Variants in NT5DC2 observed in about 807,000 individuals in gnomAD.
The protein encoded by NT5DC2 is 5'-nucleotidase domain containing 2, also known as 5'-nucleotidase domain-containing protein 2.
In NT5DC2, 41 loss-of-function variants were observed where a neutral mutation model predicts 70.0. That is an observed-to-expected ratio of 0.59 (90% CI 0.46 to 0.76). The LOEUF (loss-of-function observed/expected upper bound fraction) is 0.76, where lower values mean the gene tolerates loss of function less well. Among genes scored for constraint, NT5DC2 ranks in the 30% least tolerant of loss-of-function variants. NT5DC2 has a pLI of 0.00. For synonymous variants in NT5DC2, 299 were observed against 310.4 expected (o/e 0.96, Z 0.39); for missense variants, 705 against 783.2 (o/e 0.90, Z 1.19).
At chr3:52,528,982 C>G in intron 2 of NT5DC2, 47 bp from the exon 3 acceptor site, 1 of 1,602,242 alleles carries the variant, frequency 6.2e-7, no homozygotes, top group Non-Finnish European at 8.6e-7. Context: ...CCTGCCAGAC[C>G]TGCTGGCTGG....
chr3:52,528,994 T>TG (rs1446513053), intron 2 of NT5DC2, 59 bp from the exon 3 acceptor site: 8 of 1,601,010 alleles, frequency 5.0e-6, no homozygotes, highest in Non-Finnish European at 5.1e-6. Context: ...GCTGGCTGGG[T>TG]GGCCACCCCA....
In NT5DC2 at chr3:52,531,157, C is replaced by T. The variant is rs1471170029; in HGVS notation, c.233-1823G>A. Among the ~76,000 whole-genome samples, 1 of 152,244 alleles carries T rather than the reference C, an allele frequency of 6.6e-6. No individual in the cohort carries two copies. The highest frequency in any genetic ancestry group is 2.4e-5 in the African/African-American group (1 of 41,472). On this transcript the variant is annotated intron_variant, in intron 1 of 13. Transcript: ENST00000422318. This position sits in a 1 kb window ranked among gnomAD's most constrained non-coding sequence, Gnocchi z 4.1. ...GGGGACACAGGGCTCCATTCCCACC[C>T]CTTTCCTTTGGAGCCAAGTTCAGGG...
chr3:52,532,384 C>T, intron 1 of NT5DC2: 1 of 985,486 alleles, frequency 1.0e-6, no homozygotes, highest in Non-Finnish European at 1.2e-6. Flanking sequence ...CCTCCACAGA[C>T]ACAAACTCAA....
intron 10 of NT5DC2, among the ~76,000 whole-genome samples, chr3:52,526,857 C>T (rs1467535124): frequency 2.0e-5 from 3 of 152,078 alleles, no homozygotes; most frequent in Admixed American, 6.5e-5. Flanking sequence ...GATGGGGTTT[C>T]GCCATGTTGG....
Position 52,525,028 on chromosome 3 carries a change from T to C in NT5DC2, c.1282A>G (p.Thr428Ala), listed in dbSNP as rs1375976883. The C allele has an allele frequency of 1.2e-5, 19 of 1,608,144 alleles. No homozygotes were observed. Among genetic ancestry groups the C allele is most frequent in the Non-Finnish European group, 1.4e-5 (17 of 1,178,114 alleles). Residue 428 changes from threonine (T) to alanine (A), a missense_variant, in exon 12 of 14, where the codon ACG becomes GCG. Thr to Ala is a moderately conservative substitution (Grantham distance 58, BLOSUM62 0). Coordinates refer to ENST00000422318, the MANE Select transcript of NT5DC2 (RefSeq NM_001134231.2). Reference sequence around the variant, plus strand: ...GTCAGCGAGTGCATGTACTGCTCCGTGTTGATGATGCGGATCTCACGCTCC... The same window carrying C: ...GTCAGCGAGTGCATGTACTGCTCCGCGTTGATGATGCGGATCTCACGCTCC... ...ELEREIRIIN[T>A]EQYMHSLTWQ... is the part of the protein sequence containing the mutation.
upstream of NT5DC2, chr3:52,534,656 C>T (rs369845680): frequency 3.1e-6 from 5 of 1,610,680 alleles, no homozygotes; most frequent in Non-Finnish European, 4.2e-6. Flanking sequence ...ACTCGCATTT[C>T]TTCTGCTCAG....
rs558765554 is a variant in NT5DC2 at position 52,533,776 on chromosome 3, CCAGCCCG to C, written c.-46_-40del. 0.015 allele frequency: 14,675 copies of C among 971,672 alleles called. 122 individuals carry two copies. The highest frequency in any genetic ancestry group is 0.019 in the South Asian group (409 of 21,854). The allele number at this position is 971,672 out of a possible 1,614,324, so 60.2% of individuals were successfully genotyped here. On this transcript the variant is annotated 5_prime_UTR_variant, in exon 1 of 14. Transcript: ENST00000422318. ...CGCCCGCCGCCCGCGCTGCCCTCGG[CCAGCCCG>C]CCGCCCGCCGCCCGCCGCCCTCCGA...
At chr3:52,532,558 CT>C in intron 1 of NT5DC2, 2 of 968,750 alleles carry the variant, frequency 2.1e-6, no homozygotes, top group Non-Finnish European at 2.5e-6. Flanking sequence ...GACAGGGCTA[CT>C]TTGTTTTATC....
Position 52,524,665 on chromosome 3 carries a change from G to C in NT5DC2, c.1479C>G (p.Thr493=). 1 of 1,613,040 alleles carries C rather than the reference G, an allele frequency of 6.2e-7. No individual in the cohort carries two copies. Among genetic ancestry groups the C allele is most frequent in the South Asian group, 1.1e-5 (1 of 91,092 alleles). The change falls in exon 14 of 14, where the codon ACC becomes ACG. Residue 493 remains threonine (T), a synonymous_variant. Transcript: ENST00000422318. ...GSIFRTFHNP[T]YFSRRLVRFS... ...AGCGCACGAGGCGCCTTGAGAAGTAGGTGGGGTTGTGGAAGGTGCGGAAGA... is the reference window on the plus strand; with the variant it reads ...AGCGCACGAGGCGCCTTGAGAAGTACGTGGGGTTGTGGAAGGTGCGGAAGA...
In NT5DC2 at chr3:52,529,365, T is replaced by G; in HGVS notation, c.233-31A>C. The G allele has an allele frequency of 6.2e-7, 1 of 1,603,708 alleles. No individual in the cohort carries two copies. The highest frequency in any genetic ancestry group is 1.1e-5 in the South Asian group (1 of 90,386). On this transcript the variant is annotated intron_variant, in intron 1 of 13. Transcript: ENST00000422318. The surrounding 1 kb of genome is among the most constrained non-coding windows in gnomAD (Gnocchi z 4.1). ...GGAAGGAGATGCAGGGAGGCAGTGATGGGGATGATGATCCCTGCAGCAGCT... is the reference window on the plus strand; with the variant it reads ...GGAAGGAGATGCAGGGAGGCAGTGAGGGGGATGATGATCCCTGCAGCAGCT...
In NT5DC2 at chr3:52,528,007, A is replaced by T; in HGVS notation, c.832+6T>A. On this transcript the variant is annotated splice_donor_region_variant and intron_variant, in intron 7 of 13. Coordinates refer to ENST00000422318, the MANE Select transcript of NT5DC2 (RefSeq NM_001134231.2). ...CGGCCACGGCAGGGCTTCTGTCCAC[A>T]CTTACCCATGTCCTGCTCGATCCAC... 2 of 1,612,282 alleles carry T rather than the reference A, an allele frequency of 1.2e-6. No homozygotes were observed. The highest frequency in any genetic ancestry group is 1.7e-6 in the Non-Finnish European group (2 of 1,179,640).
upstream of NT5DC2, chr3:52,534,538 A>G: frequency 6.2e-7 from 1 of 1,613,340 alleles, no homozygotes; most frequent in South Asian, 1.1e-5. Context: ...CTGACCCGTC[A>G]ACTCCCGGTT....
At chr3:52,534,388 G>T, upstream of NT5DC2, 2 of 1,357,352 alleles carry the variant, frequency 1.5e-6, no homozygotes, top group Non-Finnish European at 1.0e-6. Context: ...GCGCTTCCCG[G>T]TGCCAGGCCC....
rs112837086 is a variant in NT5DC2, at chr3:52,524,861, C to G, written c.1368G>C (p.Ser456=). 1,209 of 1,612,338 alleles carry G rather than the reference C, an allele frequency of 7.5e-4. 3 individuals are homozygous for G. The highest frequency in any genetic ancestry group is 1.5e-3 in the Middle Eastern group (9 of 6,058). The change falls in exon 13 of 14, where the codon TCG becomes TCC. Residue 456 remains serine, a synonymous_variant. Transcript: ENST00000422318. ...TCATCCAGGCAGCCAGCACCTGCCTCGACTCCGCGTCCTGATAGGTCTGGG... is the reference window on the plus strand; with the variant it reads ...TCATCCAGGCAGCCAGCACCTGCCTGGACTCCGCGTCCTGATAGGTCTGGG... The part of the protein sequence containing the change: ...ERMQTYQDAE[S]RQVLAAWMKE...
Position 52,524,503 on chromosome 3 carries a change from G to A in NT5DC2, c.1641C>T (p.Thr547=). 3.1e-6 allele frequency: 5 copies of A among 1,612,952 alleles called. No individual in the cohort carries two copies. In the Admixed American group the frequency reaches 5.0e-5, roughly 16 times the overall value. Residue 547 remains threonine (T), a synonymous_variant, in exon 14 of 14, where the codon ACC becomes ACT. Transcript: ENST00000422318. ...MDQLCTGCMK[T]PFLGDMAHIR is the part of the protein sequence containing the mutation. ...TGTGGGCCATGTCACCAAGGAAGGG[G>A]GTCTTCATGCAGCCGGTGCAGAGCT...
At position 52,524,519 on chromosome 3, in the gene NT5DC2, G is replaced by C. The variant is rs1421195602; in HGVS notation, c.1625C>G (p.Thr542Ser). 1 of 1,613,020 alleles carries C rather than the reference G, an allele frequency of 6.2e-7. No individual in the cohort carries two copies. Among genetic ancestry groups the C allele is most frequent in the Admixed American group, 1.7e-5 (1 of 60,032 alleles). Residue 542 changes from threonine to serine, a missense_variant, in exon 14 of 14, where the codon ACC becomes AGC. Physicochemically the swap from Thr to Ser is moderately conservative, Grantham distance 58 (BLOSUM62 1). Coordinates refer to ENST00000422318, the MANE Select transcript of NT5DC2 (RefSeq NM_001134231.2). ...EAPLWMDQLC[T>S]GCMKTPFLGD... ...AAGGAAGGGGGTCTTCATGCAGCCG[G>C]TGCAGAGCTGGTCCATCCAGAGGGG...
upstream of NT5DC2, chr3:52,534,889 G>A (rs1029925862): frequency 2.8e-5 from 15 of 540,530 alleles, no homozygotes; most frequent in East Asian, 5.1e-4. Context: ...TAAGGATTGA[G>A]GCCGTAGGAT....
intron 10 of NT5DC2, among the ~76,000 whole-genome samples, chr3:52,526,987 T>A (rs2079284142): frequency 6.6e-6 from 1 of 152,228 alleles, no homozygotes; most frequent in Admixed American, 6.5e-5. Context: ...GAGAGCTTTA[T>A]ACCACAGCTT....
intron 1 of NT5DC2, 96 bp downstream of exon 1, chr3:52,533,410 G>T: frequency 7.7e-7 from 1 of 1,303,676 alleles, no homozygotes; most frequent in Non-Finnish European, 1.0e-6. Context: ...GAGCCCCACT[G>T]GGTGTTTCCC....
Sources: allele counts gnomAD v4.1 joint callset (sites outside exome capture counted in the v4.1 genomes callset), GRCh38; gene constraint gnomAD v4.1.1; non-coding constraint Gnocchi (gnomAD v3.1); transcripts MANE v1.5; gene names NCBI Gene and HGNC (gene_info 2026-07-23, HGNC 2026-07-21).